The following GPR39 variants were observed in gnomAD, a reference collection of about 807,000 sequenced individuals.
GPR39 encodes the protein G protein-coupled receptor 39.
GPR39 carries 23 observed loss-of-function variants against 18.4 expected under a neutral mutation model. That is an observed-to-expected ratio of 1.25 (90% CI 0.90 to 1.77). The LOEUF (loss-of-function observed/expected upper bound fraction) is 1.77. Among genes scored for constraint, GPR39 ranks in the 40% most tolerant of loss-of-function variants. GPR39 has a pLI of 0.00. For synonymous variants in GPR39, 280 were observed against 257.9 expected (o/e 1.09, Z -0.82); for missense variants, 647 against 602.4 (o/e 1.07, Z -0.78).
At chr2:132,601,547 C>T (rs1165736483) in intron 1 of GPR39, among the ~76,000 whole-genome samples, 1 of 152,114 alleles carries the variant, frequency 6.6e-6, no homozygotes, top group Non-Finnish European at 1.5e-5. Context: ...ACTTGTACCA[C>T]TCTTTTTCAA....
intron 1 of GPR39, among the ~76,000 whole-genome samples, chr2:132,601,739 A>T (rs1681046600): frequency 6.6e-6 from 1 of 152,320 alleles, no homozygotes; most frequent in Middle Eastern, 3.4e-3. Context: ...GGATAAAAAC[A>T]TGCAAAAATC....
At chr2:132,611,476 C>G (rs1429770724) in intron 1 of GPR39, among the ~76,000 whole-genome samples, 1 of 152,204 alleles carries the variant, frequency 6.6e-6, no homozygotes, top group East Asian at 1.9e-4. Context: ...GGCGAGAAAT[C>G]AGTAAGCTCC....
Position 132,646,514 on chromosome 2 carries a change from CAATACCTGTG to C in GPR39, c.*918_*927del, listed in dbSNP as rs960934890. 26 of 390,794 alleles carry C rather than the reference CAATACCTGTG, an allele frequency of 6.7e-5. No homozygotes were observed. The highest frequency in any genetic ancestry group is 1.3e-3 in the Middle Eastern group (2 of 1,538). 24.2% of individuals were successfully genotyped at this position (390,794 alleles called of 1,614,324 possible). ...CTGTTCCAAAAGCGATTTGAGATGC[CAATACCTGTG>C]AATACCTGTTAATAAAGAGCTGTTA... On this transcript the variant is annotated 3_prime_UTR_variant, in exon 2 of 2. Transcript: ENST00000329321.
At chr2:132,478,785 A>G (rs1372032905) in intron 1 of GPR39, among the ~76,000 whole-genome samples, 3 of 152,198 alleles carry the variant, frequency 2.0e-5, no homozygotes, top group African/African-American at 7.2e-5. Context: ...TGCTCCATCA[A>G]ATGTTGTTTC....
At chr2:132,618,711 C>A (rs997043941) in intron 1 of GPR39, among the ~76,000 whole-genome samples, 1 of 152,152 alleles carries the variant, frequency 6.6e-6, no homozygotes, top group African/African-American at 2.4e-5. Context: ...TATGAGGCTG[C>A]CTGGGTTTTC....
At chr2:132,507,922 C>T (rs747833742) in intron 1 of GPR39, among the ~76,000 whole-genome samples, 5 of 152,184 alleles carry the variant, frequency 3.3e-5, no homozygotes, top group Non-Finnish European at 2.9e-5. Context: ...AAAGAATCTC[C>T]AGTGAGCTTC....
intron 1 of GPR39, among the ~76,000 whole-genome samples, chr2:132,485,481 TAA>T (rs1236548402): frequency 2.6e-5 from 4 of 152,232 alleles, no homozygotes; most frequent in Non-Finnish European, 5.9e-5. Context: ...TTATCCAGAT[TAA>T]GACTTCTTTC....
At chr2:132,554,179 G>A (rs751621781) in intron 1 of GPR39, among the ~76,000 whole-genome samples, 9 of 152,188 alleles carry the variant, frequency 5.9e-5, no homozygotes, top group Admixed American at 4.6e-4. Flanking sequence ...ACTGGGAGCC[G>A]TGGTGGCCTT....
At chr2:132,530,256 T>C (rs373163256) in intron 1 of GPR39, among the ~76,000 whole-genome samples, 2 of 151,810 alleles carry the variant, frequency 1.3e-5, no homozygotes, top group South Asian at 4.2e-4. Flanking sequence ...AGGGTATCAG[T>C]GATGGAAGAT....
chr2:132,639,164 ATCAGT>A (rs1558867476), intron 1 of GPR39, among the ~76,000 whole-genome samples: 1 of 152,076 alleles, frequency 6.6e-6, no homozygotes, highest in Non-Finnish European at 1.5e-5. Context: ...GCTTTGTATC[ATCAGT>A]CCCTAGGACA....
chr2:132,493,338 C>CAT (rs934448310), intron 1 of GPR39, among the ~76,000 whole-genome samples: 2 of 141,372 alleles, frequency 1.4e-5, no homozygotes, highest in Non-Finnish European at 3.1e-5. Flanking sequence ...CCATATATAC[C>CAT]ATATATATAC....
chr2:132,419,546 G>A (rs556237984), intron 1 of GPR39, among the ~76,000 whole-genome samples: 1 of 152,200 alleles, frequency 6.6e-6, no homozygotes, highest in South Asian at 2.1e-4. Context: ...TGGGACTTGG[G>A]AAGCGTACCC....
At chr2:132,449,106 A>G (rs1030990482) in intron 1 of GPR39, among the ~76,000 whole-genome samples, 4 of 152,206 alleles carry the variant, frequency 2.6e-5, no homozygotes, top group Non-Finnish European at 5.9e-5. Flanking sequence ...GTTCTGGGTG[A>G]TAGCAGGTGG....
chr2:132,589,450 T>A (rs1680790328), intron 1 of GPR39, among the ~76,000 whole-genome samples: 1 of 152,246 alleles, frequency 6.6e-6, no homozygotes, highest in African/African-American at 2.4e-5. Flanking sequence ...TTAACTTCGC[T>A]TATCTGATAA....
chr2:132,608,816 G>A (rs1197533726), intron 1 of GPR39, among the ~76,000 whole-genome samples: 2 of 152,182 alleles, frequency 1.3e-5, no homozygotes, highest in Non-Finnish European at 2.9e-5. Context: ...TGCGGGAGCA[G>A]GGCGGGCAGA....
intron 1 of GPR39, among the ~76,000 whole-genome samples, chr2:132,599,163 TAATCCAGGC>T (rs1680998902): frequency 1.3e-5 from 2 of 151,974 alleles, no homozygotes; most frequent in Admixed American, 6.6e-5. Flanking sequence ...GCTGGGCAGA[TAATCCAGGC>T]ACGAGAGGAT....
rs73955758 is a variant in GPR39 at position 132,618,044 on chromosome 2, C to T, written c.857-27057C>T. 4.7e-3 allele frequency among the ~76,000 whole-genome samples: 723 copies of T among 152,304 alleles called. 5 individuals are homozygous for T. The highest frequency in any genetic ancestry group is 0.016 in the African/African-American group (681 of 41,552). On this transcript the variant is annotated intron_variant, in intron 1 of 1. Transcript: ENST00000329321. Reference sequence around the variant, plus strand: ...CGTCTTGGTCTGGAGCATTGATTCCCCCTAAATATGTCCCCTCCATTTCCC... The same window carrying T: ...CGTCTTGGTCTGGAGCATTGATTCCTCCTAAATATGTCCCCTCCATTTCCC...
intron 1 of GPR39, among the ~76,000 whole-genome samples, chr2:132,622,358 C>T (rs1681457966): frequency 6.6e-6 from 1 of 152,182 alleles, no homozygotes; most frequent in Non-Finnish European, 1.5e-5. Flanking sequence ...CGCACCATTG[C>T]ACTCCAGCCT....
chr2:132,472,744 T>C (rs920098988), intron 1 of GPR39, among the ~76,000 whole-genome samples: 3 of 152,158 alleles, frequency 2.0e-5, no homozygotes, highest in African/African-American at 4.8e-5. Flanking sequence ...TTTAATCATA[T>C]AATGGATTGT....
Sources: gnomAD v4.1 joint callset for allele counts (sites outside exome capture counted in the v4.1 genomes callset) on GRCh38, gnomAD v4.1.1 for gene constraint, MANE v1.5 for transcripts, NCBI Gene and HGNC (gene_info 2026-07-23, HGNC 2026-07-21) for gene names.